Variants in PNPLA8 observed in about 807,000 individuals in gnomAD.
PNPLA8 encodes calcium-independent phospholipase A2-gamma.
A neutral mutation model predicts 76.9 loss-of-function variants in PNPLA8; 39 were observed. That is an observed-to-expected ratio of 0.51 (90% CI 0.39 to 0.66). PNPLA8 has a LOEUF of 0.66. PNPLA8 is among the 30% of genes least tolerant of loss of function. The pLI is 0.00. For synonymous variants in PNPLA8, 301 were observed against 307.9 expected (o/e 0.98, Z 0.24); for missense variants, 887 against 918.0 (o/e 0.97, Z 0.44).
At chr7:108,501,779 G>A (rs1223050711) in intron 5 of PNPLA8, among the ~76,000 whole-genome samples, 3 of 151,964 alleles carry the variant, frequency 2.0e-5, no homozygotes, top group South Asian at 2.1e-4. Context: ...ATCTGAGATC[G>A]CACCACTGCA....
At position 108,514,302 on chromosome 7, in the gene PNPLA8, A is replaced by G. The variant is rs374544745; in HGVS notation, c.1057-9T>C. 4.2e-4 allele frequency: 677 copies of G among 1,602,140 alleles called. No homozygotes were observed. The highest frequency in any genetic ancestry group is 5.5e-4 in the Non-Finnish European group (640 of 1,172,816). On this transcript the variant is annotated splice_polypyrimidine_tract_variant and intron_variant, in intron 3 of 10. Coordinates refer to ENST00000257694, the MANE Select transcript of PNPLA8 (RefSeq NM_001256007.3). ...CTCACCCTTGCGATAATCTACAAAG[A>G]CATATTAAATAGATATGATTAGAAT...
intron 7 of PNPLA8, among the ~76,000 whole-genome samples, chr7:108,493,284 A>AT (rs1563950902): frequency 1.3e-5 from 2 of 152,330 alleles, no homozygotes; most frequent in East Asian, 3.8e-4. Flanking sequence ...ATATGCAAAG[A>AT]TACTCTCATA....
At chr7:108,521,239 G>A (rs1863718292) in intron 2 of PNPLA8, among the ~76,000 whole-genome samples, 1 of 152,146 alleles carries the variant, frequency 6.6e-6, no homozygotes, top group African/African-American at 2.4e-5. Flanking sequence ...GAGTCGAAAA[G>A]AGAACTGTAC....
chr7:108,517,656 A>C (rs932085495), intron 2 of PNPLA8, among the ~76,000 whole-genome samples: 1 of 152,212 alleles, frequency 6.6e-6, no homozygotes, highest in Non-Finnish European at 1.5e-5. Context: ...GCATATTACT[A>C]AGTGAAAACA....
chr7:108,483,215 TA>T (rs1860521219), intron 9 of PNPLA8, among the ~76,000 whole-genome samples: 2 of 152,212 alleles, frequency 1.3e-5, no homozygotes, highest in African/African-American at 4.8e-5. Context: ...CAGAGAAAGT[TA>T]ATTGGCTCTT....
rs1034455885 is a variant in PNPLA8 at position 108,470,418 on chromosome 7, A to G, written c.*1983T>C. The G allele has an allele frequency of 2.7e-5, 4 of 150,158 alleles. No individual in the cohort carries two copies. The South Asian group carries it at 6.6e-4, about 25-fold the overall frequency. The allele number at this position is 150,158 out of a possible 1,614,324, so 9.3% of individuals were successfully genotyped here. ...AGAAAGAAAGAAAGAAGCCATGGCC[A>G]GAGTTCACTTGTGTAATGTATTATT... On this transcript the variant is annotated 3_prime_UTR_variant, in exon 11 of 11. Transcript: ENST00000257694.
chr7:108,480,909 A>G (rs1295693643), intron 9 of PNPLA8, among the ~76,000 whole-genome samples: 1 of 152,130 alleles, frequency 6.6e-6, no homozygotes, highest in Non-Finnish European at 1.5e-5. Flanking sequence ...TCCCACCCAT[A>G]ACCCTTGACA....
chr7:108,520,681 C>G (rs1598980516), intron 2 of PNPLA8, among the ~76,000 whole-genome samples: 1 of 151,742 alleles, frequency 6.6e-6, no homozygotes, highest in East Asian at 1.9e-4. Context: ...ATGCATGTAT[C>G]AAAATATCAC....
chr7:108,481,147 T>C (rs1860365268), intron 9 of PNPLA8, among the ~76,000 whole-genome samples: 1 of 152,212 alleles, frequency 6.6e-6, no homozygotes, highest in Non-Finnish European at 1.5e-5. Flanking sequence ...CATTTGACTG[T>C]CACGAATAAA....
intron 5 of PNPLA8, among the ~76,000 whole-genome samples, chr7:108,501,049 C>T (rs1008779957): frequency 1.3e-5 from 2 of 152,070 alleles, no homozygotes; most frequent in Non-Finnish European, 2.9e-5. Context: ...CGGGTGAATA[C>T]AGAACCAAGG....
At chr7:108,485,241 T>C (rs991297865) in intron 9 of PNPLA8, among the ~76,000 whole-genome samples, 10 of 152,160 alleles carry the variant, frequency 6.6e-5, no homozygotes, top group African/African-American at 2.2e-4. Context: ...AGTACTTCCA[T>C]GTACATATTA....
chr7:108,513,472 G>A (rs6961022), intron 4 of PNPLA8, among the ~76,000 whole-genome samples: 1 of 151,866 alleles, frequency 6.6e-6, no homozygotes, highest in South Asian at 2.1e-4. Context: ...CTAAAAATAA[G>A]CACTAATAGA....
chr7:108,520,131 T>G (rs1335692824), intron 2 of PNPLA8, among the ~76,000 whole-genome samples: 6 of 152,206 alleles, frequency 3.9e-5, no homozygotes, highest in Non-Finnish European at 8.8e-5. Flanking sequence ...TTAATAAATT[T>G]GTATGCCATT....
chr7:108,505,033 A>C (rs1862241878), intron 4 of PNPLA8, among the ~76,000 whole-genome samples: 1 of 151,914 alleles, frequency 6.6e-6, no homozygotes, highest in Non-Finnish European at 1.5e-5. Flanking sequence ...CCAAGATTGC[A>C]CATTGCACTC....
Position 108,502,654 on chromosome 7 carries a change from G to GA in PNPLA8, c.1207-13dup, listed in dbSNP as rs1862050826. 1 of 1,589,022 alleles carries GA rather than the reference G, an allele frequency of 6.3e-7. No individual in the cohort carries two copies. The highest frequency in any genetic ancestry group is 1.3e-5 in the African/African-American group (1 of 74,108). On this transcript the variant is annotated splice_polypyrimidine_tract_variant and intron_variant, in intron 4 of 10. Coordinates refer to ENST00000257694, the MANE Select transcript of PNPLA8 (RefSeq NM_001256007.3). ...GGAATAATTCTTTCCTATATTGAGAGAAAAGATACTTTGTTGCTTTTGTCA... is the reference window on the plus strand; with the variant it reads ...GGAATAATTCTTTCCTATATTGAGAGAAAAAGATACTTTGTTGCTTTTGTCA...
chr7:108,514,434 G>A lies in PNPLA8; in HGVS notation c.1056+2C>T. ...AACCGAAAAGCACACTGAACAACTT[G>A]CCTTTTCTCGCTGAAGAGATAAACG... On this transcript the variant is annotated splice_donor_variant, in intron 3 of 10. Transcript: ENST00000257694. LOFTEE classifies it low-confidence loss of function (GC_TO_GT_DONOR). The A allele has an allele frequency of 1.3e-6, 2 of 1,598,324 alleles. No homozygotes were observed. Among genetic ancestry groups the A allele is most frequent in the Non-Finnish European group, 8.5e-7 (1 of 1,172,834 alleles).
Position 108,514,924 on chromosome 7 carries a change from A to G in PNPLA8, c.568T>C (p.Phe190Leu), listed in dbSNP as rs750455675. 1.2e-6 allele frequency: 2 copies of G among 1,609,274 alleles called. No individual in the cohort carries two copies. Among genetic ancestry groups the G allele is most frequent in the South Asian group, 1.1e-5 (1 of 90,304 alleles). Residue 190 changes from phenylalanine to leucine, a missense_variant, in exon 3 of 11, where the codon TTT (phenylalanine) becomes CTT (leucine). Transcript: ENST00000257694. The stretch of plus-strand genomic sequence containing the variant: ...GTGGTTATAGAACTTGTGTAATGAA[A>G]AAGACTGCGTTTACCTATATCTTCT... ...KEEDIGKRSL[F>L]HYTSSITTKF...
intron 4 of PNPLA8, among the ~76,000 whole-genome samples, chr7:108,504,569 C>A (rs982291593): frequency 1.3e-5 from 2 of 152,294 alleles, no homozygotes; most frequent in South Asian, 4.1e-4. Context: ...CACATATTCA[C>A]TGCAATCCCA....
At chr7:108,519,068 TA>T (rs11363031) in intron 2 of PNPLA8, among the ~76,000 whole-genome samples, 41,735 of 137,530 alleles carry the variant, frequency 0.3, 6,411 homozygotes, top group African/African-American at 0.38. Flanking sequence ...GAGGGAAGTT[TA>T]AAAAAAAAAA....
Sources: allele counts gnomAD v4.1 joint callset (sites outside exome capture counted in the v4.1 genomes callset), GRCh38; gene constraint gnomAD v4.1.1; transcripts MANE v1.5; gene names NCBI Gene and HGNC (gene_info 2026-07-23, HGNC 2026-07-21).